The following RTL4 variants were observed in gnomAD, a reference collection of about 807,000 sequenced individuals.
The protein encoded by RTL4 is retrotransposon Gag like 4, also known as retrotransposon Gag-like protein 4.
Under a neutral mutation model 5.3 loss-of-function variants are expected in RTL4, and 4 were observed. The observed-to-expected ratio is 0.75, with a 90% confidence interval of 0.37 to 1.72. The LOEUF is 1.72. Among genes scored for constraint, RTL4 ranks in the 40% most tolerant of loss-of-function variants. RTL4 has a pLI of 0.04. For synonymous variants in RTL4, 98 were observed against 87.3 expected (o/e 1.12, Z -0.68); for missense variants, 260 against 227.1 (o/e 1.14, Z -0.93).
At chrX:112,450,334 C>T (rs1032764499), upstream of RTL4, among the ~76,000 whole-genome samples, 9 of 112,197 alleles carry the variant, frequency 8.0e-5, no homozygotes, top group African/African-American at 2.9e-4. Flanking sequence ...AGTTGAAACA[C>T]ATACCTAGTA....
the RTL4 span, among the ~76,000 whole-genome samples, chrX:112,309,192 A>C: frequency 9.0e-6 from 1 of 111,537 alleles, no homozygotes; most frequent in Non-Finnish European, 1.9e-5. Context: ...GGCAAGTCCA[A>C]GGTTAAGGTG....
At chrX:112,147,301 C>T in the RTL4 span, among the ~76,000 whole-genome samples, 1 of 111,137 alleles carries the variant, frequency 9.0e-6, no homozygotes, top group Non-Finnish European at 1.9e-5. Context: ...TCCCCTCTTC[C>T]CCTTCTCTGC....
the RTL4 span, among the ~76,000 whole-genome samples, chrX:112,096,400 G>T: frequency 1.8e-5 from 2 of 111,338 alleles, no homozygotes; most frequent in African/African-American, 6.5e-5. Context: ...AGTTATATGT[G>T]ACCTAGTTTT....
chrX:112,184,436 T>C, the RTL4 span, among the ~76,000 whole-genome samples: 2 of 112,518 alleles, frequency 1.8e-5, no homozygotes, highest in African/African-American at 6.5e-5. Context: ...ACAAGTATTT[T>C]ATTTATCTTA....
At chrX:112,396,833 A>C in the RTL4 span, among the ~76,000 whole-genome samples, 1 of 111,199 alleles carries the variant, frequency 9.0e-6, no homozygotes, top group Admixed American at 9.6e-5. Flanking sequence ...GCAGGTTCTC[A>C]GACTTCTGGT....
At chrX:112,245,688 C>T in the RTL4 span, among the ~76,000 whole-genome samples, 1 of 112,210 alleles carries the variant, frequency 8.9e-6, no homozygotes, top group Non-Finnish European at 1.9e-5. Context: ...CCTTTGAAGC[C>T]TACTTCTGTC....
the RTL4 span, among the ~76,000 whole-genome samples, chrX:112,300,196 T>C: frequency 8.9e-6 from 1 of 111,968 alleles, no homozygotes; most frequent in South Asian, 3.7e-4. Flanking sequence ...ATAATGCATC[T>C]TGATAATCAC....
the RTL4 span, among the ~76,000 whole-genome samples, chrX:112,118,455 C>A: frequency 8.9e-6 from 1 of 112,279 alleles, no homozygotes; most frequent in East Asian, 2.8e-4. Context: ...CAGCTGACAA[C>A]CCCTAGAGTT....
chrX:112,333,440 T>C, the RTL4 span, among the ~76,000 whole-genome samples: 2 of 111,737 alleles, frequency 1.8e-5, no homozygotes, highest in East Asian at 5.6e-4. Flanking sequence ...TGCTTTACTA[T>C]GGTAATCATT....
chrX:112,244,142 T>G, the RTL4 span, among the ~76,000 whole-genome samples: 2 of 111,819 alleles, frequency 1.8e-5, no homozygotes, highest in African/African-American at 6.5e-5. Context: ...AGAATAAGTG[T>G]GATGTGGTGC....
the RTL4 span, among the ~76,000 whole-genome samples, chrX:112,185,365 G>A: frequency 2.3e-5 from 2 of 87,808 alleles, no homozygotes; most frequent in South Asian, 5.1e-4. Flanking sequence ...TCCTGCATCA[G>A]CTATTTTATT....
At chrX:112,192,898 C>G in the RTL4 span, among the ~76,000 whole-genome samples, 1 of 111,814 alleles carries the variant, frequency 8.9e-6, no homozygotes, top group Admixed American at 9.5e-5. Flanking sequence ...TTTCATTTAG[C>G]CTGAAGGAAC....
At chrX:112,258,311 T>C in the RTL4 span, among the ~76,000 whole-genome samples, 1 of 110,430 alleles carries the variant, frequency 9.1e-6, no homozygotes, top group Non-Finnish European at 1.9e-5. Context: ...GATGGGTCAA[T>C]GTAGGGTCAT....
chrX:112,353,908 GA>G, the RTL4 span, among the ~76,000 whole-genome samples: 1 of 111,249 alleles, frequency 9.0e-6, no homozygotes, highest in Non-Finnish European at 1.9e-5. Flanking sequence ...GAAGACAAAT[GA>G]TTTTTTTAAA....
the RTL4 span, among the ~76,000 whole-genome samples, chrX:112,143,078 C>T: frequency 3.6e-5 from 4 of 111,428 alleles, no homozygotes; most frequent in Non-Finnish European, 7.5e-5. Flanking sequence ...ATCCGCCTGC[C>T]TCGGCCTCCC....
At chrX:112,428,426 G>A in the RTL4 span, among the ~76,000 whole-genome samples, 1,412 of 111,564 alleles carry the variant, frequency 0.013, 13 homozygotes, top group South Asian at 0.028. Context: ...GTATTTTTTA[G>A]AACTGGGTTG....
chrX:112,349,329 G>A, the RTL4 span, among the ~76,000 whole-genome samples: 1 of 110,954 alleles, frequency 9.0e-6, no homozygotes, highest in African/African-American at 3.3e-5. Context: ...CTTATCACTT[G>A]ATAACCAGTT....
the RTL4 span, among the ~76,000 whole-genome samples, chrX:112,201,439 C>A: frequency 9.0e-6 from 1 of 110,874 alleles, no homozygotes; most frequent in Non-Finnish European, 1.9e-5. Flanking sequence ...GTCTTAGAGT[C>A]CTCAAGTGGA....
chrX:112,235,919 T>C, the RTL4 span, among the ~76,000 whole-genome samples: 2 of 111,869 alleles, frequency 1.8e-5, no homozygotes, highest in Non-Finnish European at 3.8e-5. Flanking sequence ...TGATCCATTT[T>C]AGAGCTGTAA....
Sources: gnomAD v4.1 joint callset for allele counts (sites outside exome capture counted in the v4.1 genomes callset) on GRCh38, gnomAD v4.1.1 for gene constraint, MANE v1.5 for transcripts, NCBI Gene and HGNC (gene_info 2026-07-23, HGNC 2026-07-21) for gene names.